The following PRKCE variants were observed in gnomAD, a reference collection of about 807,000 sequenced individuals.
PRKCE encodes protein kinase C epsilon, also known as protein kinase C epsilon type.
A neutral mutation model predicts 85.4 loss-of-function variants in PRKCE; 16 were observed. That is an observed-to-expected ratio of 0.19 (90% confidence interval 0.13 to 0.28). The LOEUF is 0.28. PRKCE is among the 10% of genes least tolerant of loss of function. The pLI is 1.00. For synonymous variants in PRKCE, 388 were observed against 371.5 expected (o/e 1.04, Z -0.51); for missense variants, 573 against 975.2 (o/e 0.59, Z 5.49).
At chr2:45,938,888 A>G (rs1699675601) in intron 2 of PRKCE, among the ~76,000 whole-genome samples, 1 of 152,184 alleles carries the variant, frequency 6.6e-6, no homozygotes, top group Admixed American at 6.5e-5. Context: ...TCACCCAGTT[A>G]CACATGGTGG....
At position 45,744,485 on chromosome 2, in the gene PRKCE, CTTTTTCTTTCTTTCT is replaced by C. The variant is rs1558623828; in HGVS notation, c.348+92041_348+92055del. ...TCTTTCTTTCTTTCTTTCTTTCTTT[CTTTTTCTTTCTTTCT>C]TTTCTTTCTTTCTTTCTTTCTTTCT... On this transcript the variant is annotated intron_variant, in intron 1 of 14. Transcript: ENST00000306156. Among the ~76,000 whole-genome samples the C allele has an allele frequency of 6.7e-3, 181 of 27,064 alleles. 5 individuals are homozygous for C. The highest frequency in any genetic ancestry group is 0.015 in the African/African-American group (137 of 8,964). 17.8% of individuals were successfully genotyped at this position (27,064 alleles called of 152,430 possible).
At chr2:45,773,203 G>T (rs568982642) in intron 1 of PRKCE, among the ~76,000 whole-genome samples, 1 of 152,284 alleles carries the variant, frequency 6.6e-6, no homozygotes, top group East Asian at 1.9e-4. Flanking sequence ...TTCCAACTCT[G>T]CTCTCTGATG....
At chr2:45,783,775 A>G (rs1014300167) in intron 1 of PRKCE, among the ~76,000 whole-genome samples, 4 of 152,190 alleles carry the variant, frequency 2.6e-5, no homozygotes, top group African/African-American at 9.7e-5. Flanking sequence ...CTCCCATCTT[A>G]GAATCTTCTA....
chr2:45,839,947 A>G (rs1691212497), intron 1 of PRKCE, among the ~76,000 whole-genome samples: 1 of 152,244 alleles, frequency 6.6e-6, no homozygotes, highest in Non-Finnish European at 1.5e-5. Context: ...AGTGGGTGCT[A>G]AAATGCTTTC....
chr2:45,836,033 A>G (rs1690848191), intron 1 of PRKCE, among the ~76,000 whole-genome samples: 1 of 152,192 alleles, frequency 6.6e-6, no homozygotes, highest in Admixed American at 6.5e-5. Context: ...ACATTTCTGT[A>G]TAGTAGATGG....
rs375849135 is a variant in PRKCE, at chr2:46,048,786, C to G, written c.1438-37422C>G. ...TGCAAAAGGACACCAGGTCATTGAG[C>G]TCAGAACCTTCACCAGCTCTGGAAA... On this transcript the variant is annotated intron_variant, in intron 10 of 14. Transcript: ENST00000306156. Among the ~76,000 whole-genome samples the G allele has an allele frequency of 3.9e-5, 6 of 152,302 alleles. No individual in the cohort carries two copies. In the East Asian group the frequency reaches 7.7e-4, roughly 20 times the overall value.
intron 10 of PRKCE, among the ~76,000 whole-genome samples, chr2:46,066,558 T>A (rs1439699125): frequency 6.6e-6 from 1 of 152,228 alleles, no homozygotes; most frequent in Non-Finnish European, 1.5e-5. Context: ...ACAAATACAT[T>A]GTAGAAATAA....
At chr2:45,824,143 AG>A (rs1689755134) in intron 1 of PRKCE, among the ~76,000 whole-genome samples, 1 of 152,162 alleles carries the variant, frequency 6.6e-6, no homozygotes, top group African/African-American at 2.4e-5. Flanking sequence ...GTTGGTGGAG[AG>A]GTAATCTTGA....
chr2:45,886,241 C>T (rs1695293667), intron 2 of PRKCE, among the ~76,000 whole-genome samples: 1 of 152,182 alleles, frequency 6.6e-6, no homozygotes, highest in African/African-American at 2.4e-5. Flanking sequence ...CTCCAGGTGA[C>T]TCTCATTTCC....
chr2:45,923,362 G>T (rs1698393422), intron 2 of PRKCE, among the ~76,000 whole-genome samples: 1 of 152,216 alleles, frequency 6.6e-6, no homozygotes, highest in Non-Finnish European at 1.5e-5. Context: ...TGTGTGCCCA[G>T]AGCAGTGGCC....
intron 1 of PRKCE, among the ~76,000 whole-genome samples, chr2:45,834,220 A>T (rs1490511841): frequency 6.6e-6 from 1 of 152,216 alleles, no homozygotes; most frequent in East Asian, 1.9e-4. Flanking sequence ...GGCTGCTGCT[A>T]ACTTGGTTCC....
At chr2:45,975,253 A>T (rs1242047658) in intron 2 of PRKCE, among the ~76,000 whole-genome samples, 1 of 152,242 alleles carries the variant, frequency 6.6e-6, no homozygotes, top group African/African-American at 2.4e-5. Context: ...TTAGCATAGC[A>T]CTTGCCAGAG....
At chr2:45,968,118 T>A (rs1701855624) in intron 2 of PRKCE, among the ~76,000 whole-genome samples, 1 of 152,142 alleles carries the variant, frequency 6.6e-6, no homozygotes, top group African/African-American at 2.4e-5. Flanking sequence ...CTCCATATAC[T>A]CTGGAAGGCA....
chr2:46,123,756 G>C (rs1673578347), intron 11 of PRKCE, among the ~76,000 whole-genome samples: 1 of 152,184 alleles, frequency 6.6e-6, no homozygotes, highest in South Asian at 2.1e-4. Context: ...AAAGTGCTGG[G>C]ATTATAGGCA....
chr2:45,869,821 G>A (rs528045060), intron 2 of PRKCE, among the ~76,000 whole-genome samples: 95 of 148,376 alleles, frequency 6.4e-4, no homozygotes, highest in Non-Finnish European at 1.2e-3. Context: ...AATTCTCCTG[G>A]CTCAGCCTCC....
chr2:46,044,664 C>A (rs35902156), intron 10 of PRKCE, among the ~76,000 whole-genome samples: 24,441 of 152,170 alleles, frequency 0.16, 2,650 homozygotes, highest in Non-Finnish European at 0.24. Flanking sequence ...TGCTCAATAG[C>A]TCCTAATAAC....
At chr2:46,017,304 A>G (rs906517264) in intron 10 of PRKCE, among the ~76,000 whole-genome samples, 4 of 152,216 alleles carry the variant, frequency 2.6e-5, no homozygotes, top group Admixed American at 1.3e-4. Context: ...GTGGAATCAT[A>G]CAATAATGTC....
chr2:46,142,370 C>A (rs749313771), intron 11 of PRKCE, among the ~76,000 whole-genome samples: 12 of 152,158 alleles, frequency 7.9e-5, no homozygotes, highest in Non-Finnish European at 1.3e-4. Flanking sequence ...CCTTCTGGCT[C>A]CCGGAAGTCT....
chr2:46,086,976 A>C (rs1669706677), intron 11 of PRKCE, among the ~76,000 whole-genome samples: 1 of 152,088 alleles, frequency 6.6e-6, no homozygotes, highest in Admixed American at 6.5e-5. Flanking sequence ...GCGCACACTG[A>C]TTTTCCATGA....
Sources: allele counts gnomAD v4.1 joint callset (sites outside exome capture counted in the v4.1 genomes callset), GRCh38; gene constraint gnomAD v4.1.1; transcripts MANE v1.5; gene names NCBI Gene and HGNC (gene_info 2026-07-23, HGNC 2026-07-21).